The following UGT1A3 variants were observed in gnomAD, a reference collection of about 807,000 sequenced individuals.
UGT1A3 encodes UDP glucuronosyltransferase family 1 member A3.
UGT1A3 carries 31 observed loss-of-function variants against 41.0 expected under a neutral mutation model. The observed-to-expected ratio is 0.76, with a 90% CI of 0.57 to 1.02. The LOEUF is 1.02. Among genes scored for constraint, UGT1A3 ranks in the 50% least tolerant of loss-of-function variants. The probability of loss-of-function intolerance (pLI) is 0.00; values close to 1 mark genes in which losing one functional copy is unlikely to be tolerated. For synonymous variants in UGT1A3, 262 were observed against 257.6 expected (o/e 1.02, Z -0.17); for missense variants, 737 against 671.0 (o/e 1.10, Z -1.09).
rs548037824 is a variant in UGT1A3, at chr2:233,759,409, G to A, written c.868-7625G>A. ...ACTCAGAGTAACCGTGTGACCTGTAGTAAGCAAAGGGCCAGTTGGCTCTAT... is the reference window on the plus strand; with the variant it reads ...ACTCAGAGTAACCGTGTGACCTGTAATAAGCAAAGGGCCAGTTGGCTCTAT... On this transcript the variant is annotated intron_variant, in intron 1 of 4. Transcript: ENST00000482026. 7.2e-5 allele frequency among the ~76,000 whole-genome samples: 11 copies of A among 152,280 alleles called. 1 individual carries two copies. The South Asian group carries it at 2.3e-3, about 32-fold the overall frequency.
At chr2:233,747,748 A>G in intron 1 of UGT1A3, 1 of 1,613,310 alleles carries the variant, frequency 6.2e-7, no homozygotes, top group Non-Finnish European at 8.5e-7. Flanking sequence ...ATTCCATGTG[A>G]TTTAGACTTT....
chr2:233,743,991 G>C (rs368834284), intron 1 of UGT1A3: 29 of 1,251,932 alleles, frequency 2.3e-5, no homozygotes, highest in African/African-American at 7.8e-5. Context: ...GCGCAGGCCC[G>C]AGTGCTCGGA....
chr2:233,759,024 C>T (rs1053899140), intron 1 of UGT1A3, among the ~76,000 whole-genome samples: 1 of 152,174 alleles, frequency 6.6e-6, no homozygotes, highest in Admixed American at 6.5e-5. Context: ...ATTTGCTTAT[C>T]TATTTGGTTT....
intron 1 of UGT1A3, among the ~76,000 whole-genome samples, chr2:233,759,591 C>G (rs984696431): frequency 2.0e-5 from 3 of 147,100 alleles, no homozygotes; most frequent in East Asian, 2.0e-4. Flanking sequence ...GCACGCCCCC[C>G]ACCCCCGACC....
intron 1 of UGT1A3, among the ~76,000 whole-genome samples, chr2:233,734,121 TA>T (rs1021409062): frequency 6.6e-6 from 1 of 151,862 alleles, no homozygotes; most frequent in African/African-American, 2.4e-5. Context: ...ATAATAATAA[TA>T]AAAAGAATTT....
At chr2:233,760,900 A>G in intron 1 of UGT1A3, 1 of 1,613,770 alleles carries the variant, frequency 6.2e-7, no homozygotes, top group Non-Finnish European at 8.5e-7. Context: ...AGATCACATG[A>G]CCTTCCTGCA....
intron 1 of UGT1A3, among the ~76,000 whole-genome samples, chr2:233,746,975 C>T (rs1401004389): frequency 1.3e-5 from 2 of 151,722 alleles, no homozygotes; most frequent in Non-Finnish European, 2.9e-5. Context: ...TTCCCCAGAG[C>T]GAGCGCAGGG....
intron 1 of UGT1A3, chr2:233,761,265 G>A (rs1265780323): frequency 1.3e-6 from 2 of 1,595,780 alleles, no homozygotes; most frequent in Non-Finnish European, 8.6e-7. Flanking sequence ...AATTTAAAAT[G>A]CCCTCTTTTG....
At chr2:233,738,274 T>G (rs890858116) in intron 1 of UGT1A3, among the ~76,000 whole-genome samples, 8 of 152,200 alleles carry the variant, frequency 5.3e-5, no homozygotes, top group Non-Finnish European at 1.2e-4. Flanking sequence ...GCTCTTTCCT[T>G]TATAAATTAC....
intron 1 of UGT1A3, chr2:233,743,054 C>T (rs1031836290): frequency 1.9e-5 from 6 of 321,426 alleles, no homozygotes; most frequent in South Asian, 8.2e-5. Context: ...GTAGTCCCAA[C>T]GATAAGAACA....
rs2077833775 is a variant in UGT1A3 at position 233,729,301 on chromosome 2, G to A, written c.175G>A (p.Val59Met). The A allele has an allele frequency of 1.9e-6, 3 of 1,614,148 alleles. No individual in the cohort carries two copies. Among genetic ancestry groups the A allele is most frequent in the East Asian group, 2.2e-5 (1 of 44,900 alleles). Residue 59 changes from valine (V) to methionine (M), a missense_variant, in exon 1 of 5, where the codon GTG (valine) becomes ATG (methionine). Transcript: ENST00000482026. ...GCTCCATGCCAGAGGCCACCAGGCA[G>A]TGGTCCTCACCCCAGAGGTGAATAT... ...RELHARGHQA[V>M]VLTPEVNMHI...
At chr2:233,732,043 G>A (rs879000369) in intron 1 of UGT1A3, among the ~76,000 whole-genome samples, 3 of 152,324 alleles carry the variant, frequency 2.0e-5, no homozygotes, top group African/African-American at 7.2e-5. Context: ...CAGTGATGAT[G>A]AGCATTTATT....
Position 233,754,628 on chromosome 2 carries a change from C to T in UGT1A3, c.868-12406C>T, listed in dbSNP as rs183484892. ...ACTCTCCATCTTCCTCCACTTCCAC[C>T]CTTTCTTGGCCATTCTCAATGATTC... On this transcript the variant is annotated intron_variant, in intron 1 of 4. Coordinates refer to ENST00000482026, the MANE Select transcript of UGT1A3 (RefSeq NM_019093.4). The T allele has an allele frequency of 4.7e-3, 2,102 of 443,188 alleles. 38 individuals are homozygous for T. The highest frequency in any genetic ancestry group is 0.023 in the South Asian group (1,446 of 63,040). 27.5% of individuals were successfully genotyped at this position (443,188 alleles called of 1,614,324 possible). A position where few individuals can be genotyped will look rare whatever the true frequency, so the allele number is the denominator to read the frequency against.
chr2:233,757,099 G>A (rs1433024919), intron 1 of UGT1A3, among the ~76,000 whole-genome samples: 3 of 151,280 alleles, frequency 2.0e-5, no homozygotes, highest in Non-Finnish European at 4.4e-5. Flanking sequence ...GCAGAGGGAG[G>A]GGGCAAGCAG....
At chr2:233,747,621 C>T (rs2125886798) in intron 1 of UGT1A3, 1 of 1,577,282 alleles carries the variant, frequency 6.3e-7, no homozygotes, top group Middle Eastern at 1.7e-4. Context: ...TAATGAGGCC[C>T]TGATCAGGCA....
intron 1 of UGT1A3, among the ~76,000 whole-genome samples, chr2:233,730,647 C>T (rs2078057207): frequency 6.6e-6 from 1 of 152,076 alleles, no homozygotes; most frequent in Admixed American, 6.6e-5. Flanking sequence ...GATGTGGGGA[C>T]ATCTCAGAGT....
intron 3 of UGT1A3, 107 bp from the exon 4 acceptor site, chr2:233,768,113 G>A (rs1271698331): frequency 1.3e-6 from 2 of 1,597,544 alleles, no homozygotes; most frequent in African/African-American, 2.7e-5. Context: ...TTTCTGCAAG[G>A]GCATGTGAGT....
chr2:233,753,016 T>C (rs1233193330), intron 1 of UGT1A3, among the ~76,000 whole-genome samples: 2 of 152,164 alleles, frequency 1.3e-5, no homozygotes, highest in Admixed American at 1.3e-4. Flanking sequence ...AGAGTGGTGA[T>C]TTACAACACA....
At chr2:233,739,084 G>A (rs1483024078) in intron 1 of UGT1A3, 1 of 152,248 alleles carries the variant, frequency 6.6e-6, no homozygotes, top group Non-Finnish European at 1.5e-5. Flanking sequence ...TCAAGCCTTG[G>A]CAGCATCGAT....
Sources: allele counts gnomAD v4.1 joint callset (sites outside exome capture counted in the v4.1 genomes callset), GRCh38; gene constraint gnomAD v4.1.1; transcripts MANE v1.5; gene names NCBI Gene and HGNC (gene_info 2026-07-23, HGNC 2026-07-21).